SFRP1: variants seen among roughly 807,000 people sequenced by gnomAD.
The protein encoded by SFRP1 is secreted frizzled related protein 1, also known as secreted frizzled-related protein 1.
A neutral mutation model predicts 25.9 loss-of-function variants in SFRP1; 9 were observed. The ratio of observed to expected loss-of-function variants is 0.35; its 90% CI spans 0.21 to 0.61. The LOEUF is 0.61. Ranked by LOEUF, SFRP1 falls within the 20% of genes least tolerant of loss-of-function variation. The probability of loss-of-function intolerance (pLI) is 0.78; values close to 1 mark genes in which losing one functional copy is unlikely to be tolerated. For missense variants in SFRP1, 346 were observed against 418.2 expected (o/e 0.83, Z 1.51); for synonymous variants, 178 against 174.0 (o/e 1.02, Z -0.18).
intron 1 of SFRP1, among the ~76,000 whole-genome samples, chr8:41,307,923 G>A (rs1465786751): frequency 2.6e-5 from 4 of 152,130 alleles, no homozygotes; most frequent in African/African-American, 9.7e-5. Context: ...GAAAAGCAGG[G>A]GGTACGCTAG....
intron 2 of SFRP1, among the ~76,000 whole-genome samples, chr8:41,294,448 G>C (rs900573988): frequency 2.0e-5 from 3 of 152,160 alleles, no homozygotes; most frequent in African/African-American, 4.8e-5. Context: ...GAAAACAAGA[G>C]AGAGAAAATC....
intron 2 of SFRP1, among the ~76,000 whole-genome samples, chr8:41,270,841 G>GA (rs1250689447): frequency 2.0e-5 from 3 of 149,092 alleles, no homozygotes; most frequent in Non-Finnish European, 3.0e-5. Flanking sequence ...AAAAGAAAAA[G>GA]AAAAGAAAAG....
At chr8:41,300,490 C>G (rs1272030673) in intron 2 of SFRP1, among the ~76,000 whole-genome samples, 1 of 152,168 alleles carries the variant, frequency 6.6e-6, no homozygotes, top group East Asian at 1.9e-4. Context: ...AGAAGTGTAT[C>G]ACCATGCAAA....
At chr8:41,282,703 C>T (rs944637443) in intron 2 of SFRP1, among the ~76,000 whole-genome samples, 9 of 151,990 alleles carry the variant, frequency 5.9e-5, no homozygotes, top group African/African-American at 2.4e-5. Flanking sequence ...TTATTTTATA[C>T]AATGTGAACA....
At chr8:41,277,541 T>C (rs1425256960) in intron 2 of SFRP1, among the ~76,000 whole-genome samples, 1 of 152,222 alleles carries the variant, frequency 6.6e-6, no homozygotes, top group Non-Finnish European at 1.5e-5. Flanking sequence ...TGGAGGATTG[T>C]TAAAAATGCA....
intron 2 of SFRP1, among the ~76,000 whole-genome samples, chr8:41,292,362 A>G (rs1476543405): frequency 1.3e-5 from 2 of 152,136 alleles, no homozygotes; most frequent in Non-Finnish European, 2.9e-5. Flanking sequence ...AGTTTCCCCC[A>G]TGCTGTTCTC....
intron 1 of SFRP1, among the ~76,000 whole-genome samples, chr8:41,305,070 C>G (rs1419599478): frequency 6.6e-6 from 1 of 152,112 alleles, no homozygotes; most frequent in East Asian, 1.9e-4. Context: ...GTTTTTGCTT[C>G]CACATGGGGA....
At chr8:41,269,933 C>T (rs1240464900) in intron 2 of SFRP1, among the ~76,000 whole-genome samples, 1 of 152,214 alleles carries the variant, frequency 6.6e-6, no homozygotes. Flanking sequence ...ACTGTAAATG[C>T]CACGGGAGGC....
intron 2 of SFRP1, 54 bp downstream of exon 2, chr8:41,303,407 G>T: frequency 7.6e-7 from 1 of 1,309,938 alleles, no homozygotes; most frequent in Non-Finnish European, 1.1e-6. Context: ...TCTGGCAGAG[G>T]CACAGACCAG....
chr8:41,274,809 CTT>C (rs1803552022), intron 2 of SFRP1, among the ~76,000 whole-genome samples: 2 of 152,116 alleles, frequency 1.3e-5, no homozygotes, highest in Admixed American at 1.3e-4. Flanking sequence ...ATTTAAAAAA[CTT>C]AGTCTAATAA....
chr8:41,286,076 C>G (rs1021651755), intron 2 of SFRP1, among the ~76,000 whole-genome samples: 1 of 151,950 alleles, frequency 6.6e-6, no homozygotes, highest in African/African-American at 2.4e-5. Context: ...CCGGCCCAGA[C>G]CCGATTCCTG....
intron 2 of SFRP1, among the ~76,000 whole-genome samples, chr8:41,266,039 G>A (rs185330945): frequency 5.3e-5 from 8 of 152,072 alleles, no homozygotes; most frequent in African/African-American, 7.2e-5. Context: ...GGTGGCAGGC[G>A]CCCATAATCC....
intron 2 of SFRP1, among the ~76,000 whole-genome samples, chr8:41,302,409 C>T (rs992494091): frequency 5.6e-4 from 86 of 152,216 alleles, no homozygotes; most frequent in African/African-American, 1.9e-3. Flanking sequence ...AAGACCCTTC[C>T]GTGTACTTTA....
At chr8:41,302,412 G>A (rs945222128) in intron 2 of SFRP1, among the ~76,000 whole-genome samples, 18 of 152,194 alleles carry the variant, frequency 1.2e-4, no homozygotes, top group Admixed American at 3.3e-4. Context: ...ACCCTTCCGT[G>A]TACTTTACCA....
In SFRP1 at chr8:41,265,120, G is replaced by GGGCCCCCCCCCCC; in HGVS notation, c.*46_*47insGGGGGGGGGGGCC. ...GGGTTCCCGGGGCACTGTCCCCCCC[G>GGGCCCCCCCCCCC]CTCCCACCCCACCCGAGGCTCCCTC... On this transcript the variant is annotated 3_prime_UTR_variant, in exon 3 of 3. Coordinates refer to ENST00000220772, the MANE Select transcript of SFRP1 (RefSeq NM_003012.5). 1.2e-5 allele frequency: 2 copies of GGGCCCCCCCCCCC among 160,642 alleles called. No homozygotes were observed. Among genetic ancestry groups the GGGCCCCCCCCCCC allele is most frequent in the Non-Finnish European group, 1.2e-5 (1 of 84,338 alleles). 10.0% of individuals were successfully genotyped at this position (160,642 alleles called of 1,614,324 possible).
intron 2 of SFRP1, among the ~76,000 whole-genome samples, chr8:41,294,086 G>A (rs1803810943): frequency 6.6e-6 from 1 of 152,134 alleles, no homozygotes; most frequent in African/African-American, 2.4e-5. Context: ...CTCCATATGG[G>A]GCTGAGACCA....
chr8:41,292,493 G>GT (rs1803790461), intron 2 of SFRP1, among the ~76,000 whole-genome samples: 1 of 152,164 alleles, frequency 6.6e-6, no homozygotes, highest in Non-Finnish European at 1.5e-5. Flanking sequence ...TGCCATGACT[G>GT]TAAGTTTCCT....
At chr8:41,270,005 A>C (rs779629727) in intron 2 of SFRP1, among the ~76,000 whole-genome samples, 4 of 152,208 alleles carry the variant, frequency 2.6e-5, no homozygotes, top group Admixed American at 1.3e-4. Flanking sequence ...TAAATGGAGG[A>C]AACACCCCTC....
chr8:41,288,397 G>C (rs975882268), intron 2 of SFRP1, among the ~76,000 whole-genome samples: 5 of 151,664 alleles, frequency 3.3e-5, no homozygotes, highest in African/African-American at 9.7e-5. Flanking sequence ...AATTAGCTAG[G>C]TGTGATGCTA....
Sources: gnomAD v4.1 joint callset for allele counts (sites outside exome capture counted in the v4.1 genomes callset) on GRCh38, gnomAD v4.1.1 for gene constraint, MANE v1.5 for transcripts, NCBI Gene and HGNC (gene_info 2026-07-23, HGNC 2026-07-21) for gene names.